Variants in CTNNA2 observed in about 807,000 individuals in gnomAD.
The protein encoded by CTNNA2 is catenin alpha 2.
A neutral mutation model predicts 101.0 loss-of-function variants in CTNNA2; 42 were observed. That is an observed-to-expected ratio of 0.42 (90% CI 0.32 to 0.54). The LOEUF (loss-of-function observed/expected upper bound fraction) is 0.54. Ranked by LOEUF, CTNNA2 falls within the 20% of genes least tolerant of loss-of-function variation. The pLI, the probability that CTNNA2 is intolerant of heterozygous loss-of-function variation, is 0.14. For missense variants in CTNNA2, 871 were observed against 1,223.1 expected (o/e 0.71, Z 4.29); for synonymous variants, 450 against 456.4 (o/e 0.99, Z 0.18).
chr2:79,591,933 G>A (rs1485578994), intron 1 of CTNNA2, among the ~76,000 whole-genome samples: 1 of 101,408 alleles, frequency 9.9e-6, no homozygotes, highest in African/African-American at 4.0e-5. Context: ...TTTTGAAATT[G>A]ACTGCTTTGT....
intron 1 of CTNNA2, among the ~76,000 whole-genome samples, chr2:79,585,621 T>C (rs1427257678): frequency 1.3e-5 from 2 of 151,938 alleles, no homozygotes; most frequent in African/African-American, 4.8e-5. Flanking sequence ...TTATCAGTGA[T>C]GAGATTTTTA....
chr2:79,826,095 T>C (rs1363770696), intron 3 of CTNNA2, among the ~76,000 whole-genome samples: 1 of 152,198 alleles, frequency 6.6e-6, no homozygotes, highest in Non-Finnish European at 1.5e-5. Context: ...GCGTATATGT[T>C]AGCAAGTAAA....
intron 18 of CTNNA2, among the ~76,000 whole-genome samples, chr2:80,634,092 T>C (rs929614881): frequency 6.6e-6 from 1 of 152,156 alleles, no homozygotes; most frequent in Non-Finnish European, 1.5e-5. Flanking sequence ...TCCCCACCCA[T>C]AAAATTACAA....
At chr2:79,723,859 A>G (rs1257352101) in intron 2 of CTNNA2, among the ~76,000 whole-genome samples, 1 of 152,198 alleles carries the variant, frequency 6.6e-6, no homozygotes, top group Non-Finnish European at 1.5e-5. Context: ...TCCTAAGGGA[A>G]TGAGGCCTGA....
chr2:80,331,818 C>G (rs1253988394), intron 7 of CTNNA2, among the ~76,000 whole-genome samples: 1 of 152,094 alleles, frequency 6.6e-6, no homozygotes, highest in East Asian at 1.9e-4. Context: ...GAACTGCTCC[C>G]CTCCAGAATC....
At position 79,804,949 on chromosome 2, in the gene CTNNA2, A is replaced by G. The variant is rs868088854; in HGVS notation, c.299-53064A>G. 3.3e-5 allele frequency among the ~76,000 whole-genome samples: 5 copies of G among 152,318 alleles called. No homozygotes were observed. The South Asian group carries it at 8.3e-4, about 25-fold the overall frequency. ...GCCCCTGTGAAGAGTCTTGAAGAAGAGCAAGAATGAGCTGGGCCAAATGGG... is the reference window on the plus strand; with the variant it reads ...GCCCCTGTGAAGAGTCTTGAAGAAGGGCAAGAATGAGCTGGGCCAAATGGG... On this transcript the variant is annotated intron_variant, in intron 3 of 18. Coordinates refer to ENST00000402739, the MANE Select transcript of CTNNA2 (RefSeq NM_001282597.3).
chr2:79,478,552 T>C (rs13405677), intron 4 of CTNNA2, among the ~76,000 whole-genome samples: 87,762 of 151,844 alleles, frequency 0.58, 26,236 homozygotes, highest in Non-Finnish European at 0.66. Flanking sequence ...AGGTTGGGGG[T>C]CATTTCTTAT....
intron 3 of CTNNA2, among the ~76,000 whole-genome samples, chr2:79,835,589 C>T (rs1412738713): frequency 6.7e-6 from 1 of 149,528 alleles, no homozygotes; most frequent in East Asian, 2.0e-4. Flanking sequence ...TCTGTGTGTC[C>T]TTGAGAGAGT....
At chr2:79,662,085 A>C (rs1248183628) in intron 2 of CTNNA2, among the ~76,000 whole-genome samples, 1 of 151,580 alleles carries the variant, frequency 6.6e-6, no homozygotes. Flanking sequence ...CAGAAGATGG[A>C]ACAGATGTTT....
At chr2:79,610,431 T>G (rs1678193125) in intron 1 of CTNNA2, among the ~76,000 whole-genome samples, 1 of 152,186 alleles carries the variant, frequency 6.6e-6, no homozygotes, top group Admixed American at 6.5e-5. Context: ...TGTTTATAGC[T>G]GCTTTATTTA....
chr2:80,166,481 T>A (rs1191926342), intron 7 of CTNNA2, among the ~76,000 whole-genome samples: 1 of 152,090 alleles, frequency 6.6e-6, no homozygotes. Context: ...GGATGGTGTG[T>A]TTGGAAAGGG....
chr2:79,388,508 A>G (rs1678132478), intron 4 of CTNNA2, among the ~76,000 whole-genome samples: 1 of 152,214 alleles, frequency 6.6e-6, no homozygotes, highest in Admixed American at 6.5e-5. Flanking sequence ...TATGTATTTA[A>G]AAGTTAAGAA....
At chr2:80,013,138 C>T (rs2104035009) in intron 7 of CTNNA2, among the ~76,000 whole-genome samples, 1 of 152,218 alleles carries the variant, frequency 6.6e-6, no homozygotes, top group Middle Eastern at 3.4e-3. Context: ...TGTACTCTAG[C>T]CTGGGTGACA....
rs918065327 is a variant in CTNNA2 at position 79,311,550 on chromosome 2, A to AT, written c.-405-1159_-405-1158insT. On this transcript the variant is annotated intron_variant, in intron 2 of 21. Transcript: ENST00000466387. The stretch of plus-strand genomic sequence containing the variant: ...AAGATGTCCACTCACTGTACTTAAA[A>AT]GATAGTGCGTCCCCCGGTGACAGTC... 5.6e-4 allele frequency among the ~76,000 whole-genome samples: 84 copies of AT among 150,934 alleles called. 1 individual carries two copies. Among genetic ancestry groups the AT allele is most frequent in the African/African-American group, 1.9e-3 (80 of 41,070 alleles).
At chr2:79,863,882 AT>A (rs918365993) in intron 4 of CTNNA2, among the ~76,000 whole-genome samples, 1 of 152,140 alleles carries the variant, frequency 6.6e-6, no homozygotes, top group African/African-American at 2.4e-5. Context: ...AAAGCTGTTC[AT>A]GGAGGGGTGT....
intron 7 of CTNNA2, among the ~76,000 whole-genome samples, chr2:80,123,904 G>A (rs1204624681): frequency 6.6e-6 from 1 of 152,122 alleles, no homozygotes; most frequent in African/African-American, 2.4e-5. Context: ...GGAAAACAGG[G>A]TACAGATTCT....
chr2:79,342,220 T>C (rs576630229), intron 3 of CTNNA2, among the ~76,000 whole-genome samples: 90 of 152,294 alleles, frequency 5.9e-4, no homozygotes, highest in African/African-American at 1.8e-3. Context: ...TTGAGGTAAA[T>C]ATAGGCTCTT....
chr2:79,909,294 G>A (rs568177962), intron 6 of CTNNA2, among the ~76,000 whole-genome samples: 53 of 152,270 alleles, frequency 3.5e-4, no homozygotes, highest in Admixed American at 1.2e-3. Context: ...TAAAGGCTAC[G>A]TATTTTAAAA....
intron 9 of CTNNA2, among the ~76,000 whole-genome samples, chr2:80,512,301 T>C (rs1339577485): frequency 6.6e-6 from 1 of 152,076 alleles, no homozygotes; most frequent in Non-Finnish European, 1.5e-5. Flanking sequence ...TTCTTGAAGT[T>C]CATAATAGCA....
Sources: allele counts gnomAD v4.1 joint callset (sites outside exome capture counted in the v4.1 genomes callset), GRCh38; gene constraint gnomAD v4.1.1; transcripts MANE v1.5; gene names NCBI Gene and HGNC (gene_info 2026-07-23, HGNC 2026-07-21).